The following ANKRD44 variants were observed in gnomAD, a reference collection of about 807,000 sequenced individuals.
The protein encoded by ANKRD44 is serine/threonine-protein phosphatase 6 regulatory ankyrin repeat subunit B.
Under a neutral mutation model 116.0 loss-of-function variants are expected in ANKRD44, and 35 were observed. That is an observed-to-expected ratio of 0.30 (90% CI 0.23 to 0.40). The LOEUF is 0.40. ANKRD44 is among the 10% of genes least tolerant of loss of function. The pLI, the probability that ANKRD44 is intolerant of heterozygous loss-of-function variation, is 1.00. For synonymous variants in ANKRD44, 435 were observed against 461.8 expected (o/e 0.94, Z 0.74); for missense variants, 1,014 against 1,242.6 (o/e 0.82, Z 2.77).
At chr2:197,171,450 A>G (rs1228077457) in intron 2 of ANKRD44, among the ~76,000 whole-genome samples, 1 of 152,232 alleles carries the variant, frequency 6.6e-6, no homozygotes, top group Non-Finnish European at 1.5e-5. Context: ...AACTGGAACT[A>G]CTTTTACATT....
At chr2:197,166,091 G>A (rs1212264737) in intron 2 of ANKRD44, among the ~76,000 whole-genome samples, 1 of 152,136 alleles carries the variant, frequency 6.6e-6, no homozygotes, top group Non-Finnish European at 1.5e-5. Context: ...TTGCTTGACT[G>A]TTACAGAGGT....
chr2:196,990,847 A>T (rs903493594), intron 27 of ANKRD44: 19 of 1,232,472 alleles, frequency 1.5e-5, no homozygotes, highest in Middle Eastern at 5.9e-4. Context: ...GAAGGAGAAA[A>T]AGGCATCATG....
At chr2:197,058,068 T>C (rs956218230) in intron 16 of ANKRD44, among the ~76,000 whole-genome samples, 3 of 152,142 alleles carry the variant, frequency 2.0e-5, no homozygotes, top group African/African-American at 7.2e-5. Flanking sequence ...ATCTATTTTA[T>C]AGTAAGCAAT....
chr2:197,145,959 T>G (rs182325956), intron 3 of ANKRD44, among the ~76,000 whole-genome samples: 4 of 152,300 alleles, frequency 2.6e-5, no homozygotes, highest in East Asian at 3.9e-4. Flanking sequence ...CTGTGAATAA[T>G]CTACAGTGAG....
intron 20 of ANKRD44, 38 bp from the exon 21 acceptor site, chr2:197,005,948 G>T: frequency 6.3e-7 from 1 of 1,597,694 alleles, no homozygotes. Context: ...ACAAACCTCA[G>T]AAGACTAAGG....
chr2:197,157,388 C>T (rs2079845737), intron 2 of ANKRD44, among the ~76,000 whole-genome samples: 1 of 152,096 alleles, frequency 6.6e-6, no homozygotes, highest in Non-Finnish European at 1.5e-5. Flanking sequence ...AAAATAGGCA[C>T]AACCAGCCAG....
At chr2:197,251,338 A>G (rs1231139033) in intron 1 of ANKRD44, among the ~76,000 whole-genome samples, 1 of 152,180 alleles carries the variant, frequency 6.6e-6, no homozygotes, top group Non-Finnish European at 1.5e-5. Context: ...CTTTGTTCTT[A>G]CAGCTTTTTT....
chr2:197,110,938 C>T (rs1214892244), intron 8 of ANKRD44, 94 bp from the exon 9 acceptor site: 1 of 837,374 alleles, frequency 1.2e-6, no homozygotes, highest in African/African-American at 1.7e-5. Context: ...TAATAATGCC[C>T]TGAAAACATT....
At chr2:197,206,670 G>T (rs946993469) in intron 1 of ANKRD44, among the ~76,000 whole-genome samples, 2 of 152,196 alleles carry the variant, frequency 1.3e-5, no homozygotes, top group Admixed American at 1.3e-4. Context: ...AGCCGACATG[G>T]CGCCACTACA....
intron 4 of ANKRD44, chr2:197,134,664 A>G (rs943910073): frequency 3.3e-5 from 5 of 152,108 alleles, no homozygotes; most frequent in Admixed American, 2.0e-4. Context: ...TAGACTACAC[A>G]CTTCCTAAGG....
chr2:197,085,974 G>A (rs1045886555), intron 13 of ANKRD44, among the ~76,000 whole-genome samples: 1 of 152,152 alleles, frequency 6.6e-6, no homozygotes, highest in Admixed American at 6.5e-5. Flanking sequence ...TGAAGGATTA[G>A]GGTGCTAGGG....
intron 9 of ANKRD44, among the ~76,000 whole-genome samples, chr2:197,109,861 G>T (rs2078523160): frequency 6.6e-6 from 1 of 152,142 alleles, no homozygotes; most frequent in Non-Finnish European, 1.5e-5. Flanking sequence ...GATGTAAAAT[G>T]ATACTCCCTA....
intron 1 of ANKRD44, among the ~76,000 whole-genome samples, chr2:197,208,749 G>A (rs558270695): frequency 5.3e-5 from 8 of 152,162 alleles, no homozygotes; most frequent in African/African-American, 1.9e-4. Context: ...GCAGTGAGCC[G>A]AGATTGTACC....
At chr2:197,248,488 C>T (rs1441254945) in intron 1 of ANKRD44, among the ~76,000 whole-genome samples, 5 of 150,406 alleles carry the variant, frequency 3.3e-5, no homozygotes, top group East Asian at 3.9e-4. Context: ...ATAGTTCCTC[C>T]GTGATCATGT....
intron 11 of ANKRD44, 75 bp downstream of exon 11, chr2:197,089,875 C>A: frequency 7.4e-7 from 1 of 1,345,896 alleles, no homozygotes. Flanking sequence ...GCCACTCACT[C>A]TGACCAGACA....
chr2:196,978,590 T>C (rs2075776107), intron 21 of ANKRD44, among the ~76,000 whole-genome samples: 1 of 152,144 alleles, frequency 6.6e-6, no homozygotes, highest in East Asian at 1.9e-4. Flanking sequence ...TAATTATTGG[T>C]TGCCAGGGGA....
chr2:197,251,010 C>T (rs1338434490), intron 1 of ANKRD44: 1 of 152,186 alleles, frequency 6.6e-6, no homozygotes, highest in African/African-American at 2.4e-5. Context: ...AGAAGAAAAA[C>T]TCTTGTTAAC....
At chr2:197,087,103 T>G (rs1484817565) in intron 12 of ANKRD44, among the ~76,000 whole-genome samples, 2 of 152,190 alleles carry the variant, frequency 1.3e-5, no homozygotes, top group Admixed American at 6.5e-5. Context: ...AAACAACCAC[T>G]TAAACCTATA....
chr2:197,249,094 G>A (rs114352274), intron 1 of ANKRD44, among the ~76,000 whole-genome samples: 2,239 of 152,118 alleles, frequency 0.015, 17 homozygotes, highest in Non-Finnish European at 0.019. Flanking sequence ...AACACAGTGA[G>A]ACCCCATCTC....
Sources: gnomAD v4.1 joint callset for allele counts (sites outside exome capture counted in the v4.1 genomes callset) on GRCh38, gnomAD v4.1.1 for gene constraint, MANE v1.5 for transcripts, NCBI Gene and HGNC (gene_info 2026-07-23, HGNC 2026-07-21) for gene names.